Variants in PHF14 observed in about 807,000 individuals in gnomAD.
PHF14 encodes the protein PHD finger protein 14.
In PHF14, 55 loss-of-function variants were observed where a neutral mutation model predicts 117.9. That is an observed-to-expected ratio of 0.47 (90% CI 0.38 to 0.58). The LOEUF (loss-of-function observed/expected upper bound fraction) is 0.58, where lower values mean the gene tolerates loss of function less well. Among genes scored for constraint, PHF14 ranks in the 20% least tolerant of loss-of-function variants. The pLI, the probability that PHF14 is intolerant of heterozygous loss-of-function variation, is 0.00. For synonymous variants in PHF14, 409 were observed against 368.6 expected (o/e 1.11, Z -1.26); for missense variants, 978 against 1,122.2 (o/e 0.87, Z 1.84).
intron 16 of PHF14, among the ~76,000 whole-genome samples, chr7:11,082,844 G>A (rs1454724238): frequency 6.6e-6 from 1 of 152,006 alleles, no homozygotes; most frequent in East Asian, 1.9e-4. Context: ...TCTTCAAATA[G>A]CCTATTAATC....
chr7:10,977,436 A>G (rs1047912649), intron 2 of PHF14, among the ~76,000 whole-genome samples: 15 of 152,112 alleles, frequency 9.9e-5, no homozygotes, highest in African/African-American at 3.1e-4. Flanking sequence ...CTGACTATAA[A>G]ACTTTTTATA....
intron 16 of PHF14, among the ~76,000 whole-genome samples, chr7:11,098,056 T>C (rs1656628338): frequency 6.6e-6 from 1 of 152,028 alleles, no homozygotes; most frequent in Admixed American, 6.5e-5. Flanking sequence ...AGTAGAAAAA[T>C]TAATATTTTT....
chr7:11,096,486 C>T (rs1786871653), intron 16 of PHF14, among the ~76,000 whole-genome samples: 1 of 152,046 alleles, frequency 6.6e-6, no homozygotes, highest in African/African-American at 2.4e-5. Context: ...TAATACAGAC[C>T]TGACAGTTCC....
At chr7:11,047,843 A>AAGGGAGGGAGGG (rs1054533955) in intron 13 of PHF14, among the ~76,000 whole-genome samples, 86 of 101,228 alleles carry the variant, frequency 8.5e-4, no homozygotes, top group Non-Finnish European at 1.3e-3. Context: ...GGAAGGAAAG[A>AAGGGAGGGAGGG]AGGGAGGGAG....
chr7:11,013,318 C>T (rs117951923), intron 4 of PHF14, among the ~76,000 whole-genome samples: 2,976 of 152,122 alleles, frequency 0.02, 39 homozygotes, highest in Middle Eastern at 0.044. Flanking sequence ...CCTGCCACCA[C>T]GCCTGGATAA....
intron 4 of PHF14, chr7:11,006,314 C>G (rs1429171244): frequency 2.5e-6 from 1 of 407,256 alleles, no homozygotes; most frequent in African/African-American, 2.1e-5. Context: ...CTGTTACTTG[C>G]CTGTCATTTT....
intron 13 of PHF14, among the ~76,000 whole-genome samples, chr7:11,050,135 C>G (rs915850454): frequency 1.3e-5 from 2 of 152,002 alleles, no homozygotes; most frequent in African/African-American, 4.8e-5. Context: ...TGTTGGAGTT[C>G]AAAATTTAAA....
intron 17 of PHF14, among the ~76,000 whole-genome samples, chr7:11,125,025 A>C (rs925413087): frequency 1.3e-5 from 2 of 151,972 alleles, no homozygotes; most frequent in South Asian, 4.1e-4. Flanking sequence ...AGGTAACTCA[A>C]CTCCTCAGGG....
At chr7:11,117,721 C>G (rs75016615) in intron 17 of PHF14, among the ~76,000 whole-genome samples, 1 of 150,278 alleles carries the variant, frequency 6.7e-6, no homozygotes, top group African/African-American at 2.5e-5. Context: ...TATCTTGCCA[C>G]AATACATTAA....
intron 7 of PHF14, among the ~76,000 whole-genome samples, chr7:11,034,575 CTGTCGCTCTGTCA>C (rs1183287392): frequency 1.3e-4 from 13 of 98,878 alleles, no homozygotes; most frequent in Non-Finnish European, 1.8e-5. Flanking sequence ...TTGAGACAGA[CTGTCGCTCTGTCA>C]CCCAGGCTGG....
chr7:11,159,760 CG>C (rs1309342508), intron 17 of PHF14, among the ~76,000 whole-genome samples: 2 of 151,540 alleles, frequency 1.3e-5, no homozygotes, highest in African/African-American at 4.8e-5. Flanking sequence ...ATTAAAAGTT[CG>C]ACTTAATTTT....
At chr7:11,060,921 T>C (rs993346469) in intron 14 of PHF14, among the ~76,000 whole-genome samples, 1 of 150,978 alleles carries the variant, frequency 6.6e-6, no homozygotes, top group Non-Finnish European at 1.5e-5. Flanking sequence ...ATATGAAGAA[T>C]TGAAATTAAT....
intron 17 of PHF14, among the ~76,000 whole-genome samples, chr7:11,126,996 A>G (rs1273868988): frequency 6.6e-6 from 1 of 152,090 alleles, no homozygotes; most frequent in Non-Finnish European, 1.5e-5. Flanking sequence ...AACAGAAATG[A>G]GCTCGATTCC....
intron 4 of PHF14, among the ~76,000 whole-genome samples, chr7:10,993,045 G>A (rs1237698578): frequency 2.0e-5 from 3 of 152,098 alleles, no homozygotes; most frequent in African/African-American, 7.2e-5. Context: ...ATCGTATTAG[G>A]AAGCATATGA....
intron 17 of PHF14, among the ~76,000 whole-genome samples, chr7:11,120,865 T>C (rs1474114633): frequency 6.6e-6 from 1 of 152,150 alleles, no homozygotes; most frequent in Non-Finnish European, 1.5e-5. Flanking sequence ...GGAAAAGATC[T>C]AACTCATACG....
intron 17 of PHF14, among the ~76,000 whole-genome samples, chr7:11,121,402 G>T (rs768150578): frequency 1.3e-5 from 2 of 152,084 alleles, no homozygotes; most frequent in African/African-American, 4.8e-5. Context: ...CTAATTCTCC[G>T]ATGCTACTAA....
chr7:11,107,797 T>G, intron 16 of PHF14: 1 of 843,930 alleles, frequency 1.2e-6, no homozygotes, highest in Non-Finnish European at 1.4e-6. Flanking sequence ...TTAAAACATT[T>G]TATTCACTAT....
intron 5 of PHF14, among the ~76,000 whole-genome samples, chr7:11,019,127 T>C (rs1200669378): frequency 6.6e-6 from 1 of 152,152 alleles, no homozygotes; most frequent in African/African-American, 2.4e-5. Flanking sequence ...ATTGTTAAAT[T>C]CGGTTTGCTG....
At chr7:11,156,854 A>C (rs1210090982) in intron 17 of PHF14, among the ~76,000 whole-genome samples, 2 of 152,164 alleles carry the variant, frequency 1.3e-5, no homozygotes, top group African/African-American at 4.8e-5. Context: ...TCCAAAGCAT[A>C]TAGTCCTTGA....
Sources: gnomAD v4.1 joint callset for allele counts (sites outside exome capture counted in the v4.1 genomes callset) on GRCh38, gnomAD v4.1.1 for gene constraint, MANE v1.5 for transcripts, NCBI Gene and HGNC (gene_info 2026-07-23, HGNC 2026-07-21) for gene names.